Variants in DPP10 observed in about 807,000 individuals in gnomAD.
The protein encoded by DPP10 is inactive dipeptidyl peptidase 10.
Under a neutral mutation model 120.9 loss-of-function variants are expected in DPP10, and 33 were observed. The ratio of observed to expected loss-of-function variants is 0.27; its 90% CI spans 0.21 to 0.37. The LOEUF (loss-of-function observed/expected upper bound fraction) is 0.37, where lower values mean the gene tolerates loss of function less well. Among genes scored for constraint, DPP10 ranks in the 10% least tolerant of loss-of-function variants. The pLI is 1.00. For synonymous variants in DPP10, 337 were observed against 326.1 expected (o/e 1.03, Z -0.36); for missense variants, 816 against 942.8 (o/e 0.87, Z 1.76).
At chr2:114,932,259 T>A (rs1696131548) in intron 1 of DPP10, among the ~76,000 whole-genome samples, 2 of 152,210 alleles carry the variant, frequency 1.3e-5, no homozygotes, top group South Asian at 4.1e-4. Flanking sequence ...TTGCAGAACA[T>A]CTAAAAGCTA....
At chr2:115,609,781 G>C (rs1558921021) in intron 5 of DPP10, among the ~76,000 whole-genome samples, 1 of 151,988 alleles carries the variant, frequency 6.6e-6, no homozygotes, top group Admixed American at 6.6e-5. Context: ...GTAATTAATG[G>C]CTCAGCTGTG....
intron 1 of DPP10, among the ~76,000 whole-genome samples, chr2:115,058,339 C>T (rs1417857887): frequency 2.1e-5 from 3 of 146,308 alleles, no homozygotes; most frequent in Non-Finnish European, 3.0e-5. Flanking sequence ...TTCTACTGCT[C>T]TTTTAGAAGT....
intron 5 of DPP10, among the ~76,000 whole-genome samples, chr2:115,646,065 C>T (rs1048409624): frequency 1.1e-4 from 16 of 152,060 alleles, no homozygotes; most frequent in African/African-American, 3.1e-4. Flanking sequence ...CACACACACA[C>T]GCACATGCAC....
chr2:115,119,067 C>T (rs1282713981), intron 1 of DPP10, among the ~76,000 whole-genome samples: 2 of 152,088 alleles, frequency 1.3e-5, no homozygotes, highest in African/African-American at 4.8e-5. Context: ...CATACATTGG[C>T]ATTCATCTAG....
intron 1 of DPP10, among the ~76,000 whole-genome samples, chr2:114,549,264 T>C (rs1052756467): frequency 4.6e-5 from 7 of 151,942 alleles, no homozygotes; most frequent in African/African-American, 1.5e-4. Context: ...ATTCTCCACA[T>C]AGAGAGTCAT....
chr2:114,940,078 T>G (rs1696779117), intron 1 of DPP10, among the ~76,000 whole-genome samples: 1 of 152,172 alleles, frequency 6.6e-6, no homozygotes, highest in Admixed American at 6.5e-5. Context: ...TGCCAACTTC[T>G]TTAAGTCTGT....
chr2:114,594,934 T>G (rs1691782294), intron 1 of DPP10, among the ~76,000 whole-genome samples: 1 of 152,064 alleles, frequency 6.6e-6, no homozygotes, highest in Non-Finnish European at 1.5e-5. Flanking sequence ...TGTCTCTCTC[T>G]GTCTCCCCCA....
chr2:115,723,616 T>TTTTCTG (rs1279792335), intron 7 of DPP10, among the ~76,000 whole-genome samples: 1 of 34,196 alleles, frequency 2.9e-5, no homozygotes, highest in Non-Finnish European at 2.1e-4. Context: ...GTTGTTGTTG[T>TTTTCTG]TTTTTGTTTT....
chr2:115,267,725 C>A (rs577716507), intron 1 of DPP10, among the ~76,000 whole-genome samples: 16 of 152,228 alleles, frequency 1.1e-4, no homozygotes, highest in African/African-American at 3.4e-4. Flanking sequence ...TATAGGTAAA[C>A]ACAATTCCAA....
At chr2:115,779,326 T>C (rs768737553) in intron 15 of DPP10, among the ~76,000 whole-genome samples, 13 of 152,198 alleles carry the variant, frequency 8.5e-5, no homozygotes, top group African/African-American at 1.7e-4. Context: ...AAATAGCTCA[T>C]CAAATGCCAG....
intron 1 of DPP10, among the ~76,000 whole-genome samples, chr2:114,975,583 A>G (rs576111481): frequency 6.6e-6 from 1 of 152,276 alleles, no homozygotes; most frequent in East Asian, 1.9e-4. Flanking sequence ...AAATGTTAAG[A>G]TGTGCTTATT....
chr2:115,685,807 T>A (rs977870821), intron 5 of DPP10, among the ~76,000 whole-genome samples: 1 of 152,086 alleles, frequency 6.6e-6, no homozygotes, highest in African/African-American at 2.4e-5. Flanking sequence ...ACTTCTGTAC[T>A]TTCCTTGTGT....
At chr2:114,635,560 G>GT (rs1286626106) in intron 1 of DPP10, among the ~76,000 whole-genome samples, 1 of 151,782 alleles carries the variant, frequency 6.6e-6, no homozygotes, top group Non-Finnish European at 1.5e-5. Flanking sequence ...TTATTCAATC[G>GT]TTTTTTTCTG....
chr2:114,606,078 A>G (rs911960075), intron 1 of DPP10, among the ~76,000 whole-genome samples: 2 of 152,122 alleles, frequency 1.3e-5, no homozygotes, highest in East Asian at 1.9e-4. Flanking sequence ...AAGACATCCC[A>G]CCATAAAAGA....
At chr2:114,923,970 T>C (rs961706893) in intron 1 of DPP10, among the ~76,000 whole-genome samples, 7 of 152,110 alleles carry the variant, frequency 4.6e-5, no homozygotes, top group African/African-American at 1.7e-4. Context: ...GCAGTCCTCC[T>C]CCCTTAGGCT....
intron 2 of DPP10, among the ~76,000 whole-genome samples, chr2:115,334,502 T>C (rs566547535): frequency 6.6e-6 from 1 of 151,884 alleles, no homozygotes; most frequent in East Asian, 1.9e-4. Flanking sequence ...ATTTTTCCAA[T>C]TTATATTTTG....
At chr2:114,929,448 C>G (rs1365216066) in intron 1 of DPP10, among the ~76,000 whole-genome samples, 1 of 152,170 alleles carries the variant, frequency 6.6e-6, no homozygotes, top group East Asian at 1.9e-4. Context: ...CAGACACTCC[C>G]AGAGTGTCCA....
Position 115,768,390 on chromosome 2 carries a change from A to G in DPP10, c.1207A>G (p.Met403Val). 4 of 1,612,966 alleles carry G rather than the reference A, an allele frequency of 2.5e-6. No homozygotes were observed. The highest frequency in any genetic ancestry group is 3.4e-6 in the Non-Finnish European group (4 of 1,179,264). The change falls in exon 13 of 26, where the codon ATG (methionine) becomes GTG (valine). Residue 403 changes from methionine (M) to valine (V), a missense_variant. Met to Val is a conservative substitution (Grantham distance 21). Transcript: ENST00000410059. ...GGRGEFHHVA[M>V]FLIQSKSEQI... Reference sequence around the variant, plus strand: ...ACGTGGAGAATTTCACCACGTAGCTATGTTCCTCATCCAGGTAAGTGCTGG... The same window carrying G: ...ACGTGGAGAATTTCACCACGTAGCTGTGTTCCTCATCCAGGTAAGTGCTGG...
intron 1 of DPP10, among the ~76,000 whole-genome samples, chr2:114,799,476 T>C: frequency 6.6e-6 from 1 of 152,208 alleles, no homozygotes; most frequent in Non-Finnish European, 1.5e-5. Context: ...TCCAAAAGCT[T>C]CATGATAATT....
Sources: allele counts gnomAD v4.1 joint callset (sites outside exome capture counted in the v4.1 genomes callset), GRCh38; gene constraint gnomAD v4.1.1; transcripts MANE v1.5; gene names NCBI Gene and HGNC (gene_info 2026-07-23, HGNC 2026-07-21).